Variants in NDST3 observed in about 807,000 individuals in gnomAD.
NDST3 encodes the protein N-deacetylase and N-sulfotransferase 3.
Under a neutral mutation model 96.1 loss-of-function variants are expected in NDST3, and 58 were observed. The ratio of observed to expected loss-of-function variants is 0.60; its 90% CI spans 0.49 to 0.75. The LOEUF is 0.75. Among genes scored for constraint, NDST3 ranks in the 30% least tolerant of loss-of-function variants. NDST3 has a pLI of 0.00. For missense variants in NDST3, 788 were observed against 1,034.2 expected, an observed-to-expected ratio of 0.76 and a Z score of 3.27; for synonymous variants, 333 against 359.7, an observed-to-expected ratio of 0.93 and a Z score of 0.84.
At chr4:118,208,543 T>A (rs1738589859) in intron 6 of NDST3, among the ~76,000 whole-genome samples, 1 of 144,504 alleles carries the variant, frequency 6.9e-6, no homozygotes, top group South Asian at 2.3e-4. Context: ...ACTTTACTTC[T>A]TAAAATTTCT....
intron 6 of NDST3, among the ~76,000 whole-genome samples, chr4:118,208,438 A>C (rs1738583501): frequency 6.9e-6 from 1 of 144,120 alleles, no homozygotes; most frequent in Admixed American, 6.9e-5. Flanking sequence ...TTAAGTCTTT[A>C]TACAGTACCT....
chr4:118,198,457 A>G (rs1737844342), intron 6 of NDST3, among the ~76,000 whole-genome samples: 1 of 152,194 alleles, frequency 6.6e-6, no homozygotes, highest in African/African-American at 2.4e-5. Flanking sequence ...GACTTCCTGC[A>G]TTAACTTTGT....
chr4:118,047,150 T>C (rs1578531294), intron 1 of NDST3, among the ~76,000 whole-genome samples: 2 of 152,172 alleles, frequency 1.3e-5, no homozygotes, highest in East Asian at 3.9e-4. Context: ...GCCAAAAATA[T>C]TTTGCTACTA....
chr4:118,181,544 A>T (rs556023594), intron 6 of NDST3, among the ~76,000 whole-genome samples: 1 of 152,210 alleles, frequency 6.6e-6, no homozygotes, highest in African/African-American at 2.4e-5. Context: ...CCATGGGAGA[A>T]GCAAGATCCA....
chr4:118,137,953 C>A (rs917916002), intron 4 of NDST3, 101 bp from the exon 5 acceptor site: 69 of 944,256 alleles, frequency 7.3e-5, no homozygotes, highest in Non-Finnish European at 9.3e-5. Flanking sequence ...AGTAATGATG[C>A]ATTTAAATAT....
chr4:118,249,211 G>A (rs1274529969), intron 12 of NDST3, among the ~76,000 whole-genome samples: 2 of 152,170 alleles, frequency 1.3e-5, no homozygotes, highest in Non-Finnish European at 2.9e-5. Flanking sequence ...TTAATACACA[G>A]CATATGTATG....
chr4:118,189,164 C>T (rs1737148509), intron 6 of NDST3, among the ~76,000 whole-genome samples: 1 of 152,124 alleles, frequency 6.6e-6, no homozygotes, highest in Non-Finnish European at 1.5e-5. Context: ...ACCCTCCCAC[C>T]CCAGCTTCCC....
intron 2 of NDST3, among the ~76,000 whole-genome samples, chr4:118,068,546 T>C (rs1726785207): frequency 6.6e-6 from 1 of 152,048 alleles, no homozygotes; most frequent in South Asian, 2.1e-4. Context: ...CCAAGAAACA[T>C]CACTTTAAAT....
intron 6 of NDST3, among the ~76,000 whole-genome samples, chr4:118,154,491 A>C (rs1431627119): frequency 2.0e-5 from 3 of 152,236 alleles, no homozygotes; most frequent in East Asian, 3.9e-4. Flanking sequence ...TAGCAAGCCT[A>C]GTTTTAATAA....
At chr4:118,175,915 T>G (rs1736252083) in intron 6 of NDST3, among the ~76,000 whole-genome samples, 1 of 152,110 alleles carries the variant, frequency 6.6e-6, no homozygotes, top group Non-Finnish European at 1.5e-5. Flanking sequence ...TGTCTTTTTC[T>G]CTGTGCCAAA....
intron 2 of NDST3, among the ~76,000 whole-genome samples, chr4:118,104,500 A>G (rs547261997): frequency 6.6e-6 from 1 of 152,302 alleles, no homozygotes; most frequent in African/African-American, 2.4e-5. Context: ...TTTTAATGAA[A>G]GGGCAAATTA....
At chr4:118,185,706 T>A (rs1419627794) in intron 6 of NDST3, among the ~76,000 whole-genome samples, 2 of 152,192 alleles carry the variant, frequency 1.3e-5, no homozygotes, top group East Asian at 3.9e-4. Context: ...AACAGCCAGA[T>A]TGGTTGGTTA....
At chr4:118,074,960 G>C (rs11733528) in intron 2 of NDST3, among the ~76,000 whole-genome samples, 18,707 of 152,078 alleles carry the variant, frequency 0.12, 1,510 homozygotes, top group Non-Finnish European at 0.17. Context: ...ATGCAGGTTA[G>C]TTACATATCT....
rs545814903 is a variant in NDST3 at position 118,252,545 on chromosome 4, A to G, written c.2400-954A>G. ...GAGTTATATGAAATATTTTGGTAAG[A>G]TAAAATGTGTATTTTAATGTGCTAT... On this transcript the variant is annotated intron_variant, in intron 12 of 13. Transcript: ENST00000296499. Among the ~76,000 whole-genome samples, 4 of 152,374 alleles carry G rather than the reference A, an allele frequency of 2.6e-5. No homozygotes were observed. The East Asian group carries it at 7.7e-4, about 29-fold the overall frequency.
intron 2 of NDST3, among the ~76,000 whole-genome samples, chr4:118,101,347 A>C (rs1241145336): frequency 6.9e-6 from 1 of 144,900 alleles, no homozygotes; most frequent in Non-Finnish European, 1.5e-5. Flanking sequence ...AAACTTTCTT[A>C]GCTTTACAGA....
chr4:118,112,321 G>A (rs1044484726), intron 3 of NDST3, among the ~76,000 whole-genome samples: 5 of 152,156 alleles, frequency 3.3e-5, no homozygotes, highest in African/African-American at 1.2e-4. Flanking sequence ...TGAATAAAGG[G>A]AAGATGACAG....
chr4:118,203,385 TG>T (rs1197657880), intron 6 of NDST3, among the ~76,000 whole-genome samples: 1 of 152,178 alleles, frequency 6.6e-6, no homozygotes, highest in Non-Finnish European at 1.5e-5. Flanking sequence ...TCAGTAGGAT[TG>T]GTATCAGTTC....
At chr4:118,050,162 C>A (rs951443245) in intron 1 of NDST3, among the ~76,000 whole-genome samples, 6 of 151,998 alleles carry the variant, frequency 3.9e-5, no homozygotes, top group Non-Finnish European at 7.4e-5. Context: ...TGCAGAAAAG[C>A]TTTCAATAAA....
intron 1 of NDST3, among the ~76,000 whole-genome samples, chr4:118,050,364 G>T (rs1333318192): frequency 6.6e-6 from 1 of 151,816 alleles, no homozygotes; most frequent in Non-Finnish European, 1.5e-5. Flanking sequence ...AGCACTGGAA[G>T]TCCTAGCCAG....
Sources: allele counts gnomAD v4.1 joint callset (sites outside exome capture counted in the v4.1 genomes callset), GRCh38; gene constraint gnomAD v4.1.1; transcripts MANE v1.5; gene names NCBI Gene and HGNC (gene_info 2026-07-23, HGNC 2026-07-21).